The following CDH2 variants were observed in gnomAD, a reference collection of about 807,000 sequenced individuals.
CDH2 encodes the protein cadherin 2.
Under a neutral mutation model 92.0 loss-of-function variants are expected in CDH2, and 17 were observed. The observed-to-expected ratio is 0.18, with a 90% CI of 0.13 to 0.28. The LOEUF is 0.28. Among genes scored for constraint, CDH2 ranks in the 10% least tolerant of loss-of-function variants. The pLI, the probability that CDH2 is intolerant of heterozygous loss-of-function variation, is 1.00. For missense variants in CDH2, 862 were observed against 1,133.1 expected, an observed-to-expected ratio of 0.76 and a Z score of 3.44; for synonymous variants, 419 against 415.9, an observed-to-expected ratio of 1.01 and a Z score of -0.09.
chr18:28,063,998 A>C (rs1037646213), intron 2 of CDH2, among the ~76,000 whole-genome samples: 1 of 152,240 alleles, frequency 6.6e-6, no homozygotes, highest in Non-Finnish European at 1.5e-5. Flanking sequence ...GGAAAAGGTA[A>C]TAGAATATTT....
chr18:28,131,683 G>GTTGTGTGTGT (rs374374605), intron 2 of CDH2, among the ~76,000 whole-genome samples: 2,451 of 150,270 alleles, frequency 0.016, 22 homozygotes, highest in South Asian at 0.038. Context: ...AAGCATTTGT[G>GTTGTGTGTGT]GTGTGTGTGT....
intron 2 of CDH2, among the ~76,000 whole-genome samples, chr18:28,122,911 T>C (rs535973754): frequency 6.0e-4 from 91 of 152,250 alleles, no homozygotes; most frequent in Middle Eastern, 3.4e-3. Flanking sequence ...TTCTAATTAA[T>C]AGGACAACCT....
intron 1 of CDH2, among the ~76,000 whole-genome samples, chr18:28,164,329 G>A (rs2016347903): frequency 6.6e-6 from 1 of 152,110 alleles, no homozygotes; most frequent in Non-Finnish European, 1.5e-5. Context: ...TGTAAATTGG[G>A]TATATTTGGG....
At chr18:28,155,894 T>C (rs915255214) in intron 1 of CDH2, among the ~76,000 whole-genome samples, 2 of 152,252 alleles carry the variant, frequency 1.3e-5, no homozygotes, top group African/African-American at 4.8e-5. Context: ...AGATTTTCTC[T>C]GTGTCAGTAA....
chr18:28,032,653 T>G (rs890963315), intron 2 of CDH2, among the ~76,000 whole-genome samples: 2 of 152,158 alleles, frequency 1.3e-5, no homozygotes, highest in African/African-American at 2.4e-5. Context: ...ATCCTTTAAG[T>G]ACTTTTAAAA....
rs537442209 is a variant in CDH2, at chr18:28,032,479, T to C, written c.173-18570A>G. On this transcript the variant is annotated intron_variant, in intron 2 of 15. Transcript: ENST00000269141. Reference sequence around the variant, plus strand: ...ATATTACATTAACATGTTTTTTACATATGTGTGAATTCATCTATGTAAATA... The same window carrying C: ...ATATTACATTAACATGTTTTTTACACATGTGTGAATTCATCTATGTAAATA... 2.0e-5 allele frequency among the ~76,000 whole-genome samples: 3 copies of C among 152,148 alleles called. No homozygotes were observed. In the South Asian group the frequency reaches 6.2e-4, roughly 32 times the overall value.
At chr18:28,026,685 A>C (rs1372635194) in intron 2 of CDH2, among the ~76,000 whole-genome samples, 1 of 152,176 alleles carries the variant, frequency 6.6e-6, no homozygotes, top group Non-Finnish European at 1.5e-5. Flanking sequence ...TTATTTCATC[A>C]ATTCTAGCAG....
chr18:28,166,164 A>ATATATATATATATATATATATATC, intron 1 of CDH2, among the ~76,000 whole-genome samples: 1 of 138,534 alleles, frequency 7.2e-6, no homozygotes, highest in Non-Finnish European at 1.6e-5. Context: ...ATATATATAT[A>ATATATATATATATATATATATATC]TATATATATG....
intron 2 of CDH2, among the ~76,000 whole-genome samples, chr18:28,033,479 C>G (rs913656172): frequency 4.0e-5 from 6 of 151,420 alleles, no homozygotes; most frequent in African/African-American, 1.2e-4. Flanking sequence ...TTTAGGTGCT[C>G]TGTGTGTGTG....
chr18:28,122,935 T>A (rs2015616125), intron 2 of CDH2, among the ~76,000 whole-genome samples: 1 of 152,170 alleles, frequency 6.6e-6, no homozygotes, highest in African/African-American at 2.4e-5. Flanking sequence ...TCAAGATAGA[T>A]GTTTCTAGTA....
At chr18:28,076,623 T>G (rs1041101498) in intron 2 of CDH2, among the ~76,000 whole-genome samples, 2 of 151,988 alleles carry the variant, frequency 1.3e-5, no homozygotes, top group Non-Finnish European at 2.9e-5. Flanking sequence ...CATGTGCCAT[T>G]TTCATGTGCT....
At chr18:27,961,900 G>C (rs564495189) in intron 15 of CDH2, among the ~76,000 whole-genome samples, 134 of 151,992 alleles carry the variant, frequency 8.8e-4, no homozygotes, top group African/African-American at 3.2e-3. Context: ...AAGAATTCAA[G>C]ACCAGCCTGG....
chr18:27,985,730 C>T lies in CDH2; in HGVS notation c.1773G>A (p.Leu591=). The T allele has an allele frequency of 6.2e-7, 1 of 1,612,496 alleles. No individual in the cohort carries two copies. Among genetic ancestry groups the T allele is most frequent in the Non-Finnish European group, 8.5e-7 (1 of 1,178,766 alleles). Residue 591 remains leucine (L), a synonymous_variant, in exon 12 of 16, where the codon CTG becomes CTA. Coordinates refer to ENST00000269141, the MANE Select transcript of CDH2 (RefSeq NM_001792.5). Reference sequence around the variant, plus strand: ...CATTAATATCAAGTAAATAGATCTGCAGCGTTCCTGTTCCACTCATAGGAG... The same window carrying T: ...CATTAATATCAAGTAAATAGATCTGTAGCGTTCCTGTTCCACTCATAGGAG... ...GIPPMSGTGT[L]QIYLLDINDN...
chr18:28,143,022 A>C (rs984009654), intron 2 of CDH2, among the ~76,000 whole-genome samples: 2 of 152,046 alleles, frequency 1.3e-5, no homozygotes, highest in Non-Finnish European at 2.9e-5. Flanking sequence ...TGACCATGTT[A>C]ATGTAGACAA....
intron 1 of CDH2, among the ~76,000 whole-genome samples, chr18:28,169,892 A>T (rs2144368039): frequency 6.6e-6 from 1 of 152,352 alleles, no homozygotes; most frequent in East Asian, 1.9e-4. Flanking sequence ...TCTCATTCAT[A>T]TACTAAATGT....
chr18:28,003,567 T>C (rs2012831993), intron 6 of CDH2, among the ~76,000 whole-genome samples: 1 of 152,218 alleles, frequency 6.6e-6, no homozygotes, highest in Non-Finnish European at 1.5e-5. Context: ...TCTTCCGTTA[T>C]GCAATGATGT....
chr18:28,169,029 A>C (rs1381534369), intron 1 of CDH2, among the ~76,000 whole-genome samples: 2 of 152,136 alleles, frequency 1.3e-5, no homozygotes, highest in African/African-American at 4.8e-5. Flanking sequence ...CTAAAATGAG[A>C]GCAAAACCAC....
chr18:27,950,210 T>A (rs1174314311), downstream of CDH2, among the ~76,000 whole-genome samples: 1 of 152,074 alleles, frequency 6.6e-6, no homozygotes, highest in African/African-American at 2.4e-5. Flanking sequence ...AAAATAACCT[T>A]TATGTTAAGC....
At chr18:28,138,296 A>G (rs1341983987) in intron 2 of CDH2, among the ~76,000 whole-genome samples, 1 of 152,140 alleles carries the variant, frequency 6.6e-6, no homozygotes, top group East Asian at 1.9e-4. Flanking sequence ...TAAGATGGTA[A>G]GCAGTTTGTC....
Sources: gnomAD v4.1 joint callset for allele counts (sites outside exome capture counted in the v4.1 genomes callset) on GRCh38, gnomAD v4.1.1 for gene constraint, MANE v1.5 for transcripts, NCBI Gene and HGNC (gene_info 2026-07-23, HGNC 2026-07-21) for gene names.